Variants in FBXO38 observed in about 807,000 individuals in gnomAD.
FBXO38 encodes the protein F-box protein 38.
A neutral mutation model predicts 131.9 loss-of-function variants in FBXO38; 53 were observed. The observed-to-expected ratio is 0.40, with a 90% confidence interval of 0.32 to 0.51. FBXO38 has a LOEUF of 0.51. Ranked by LOEUF, FBXO38 falls within the 20% of genes least tolerant of loss-of-function variation. The pLI is 0.53. For synonymous variants in FBXO38, 452 were observed against 505.6 expected, an observed-to-expected ratio of 0.89 and a Z score of 1.42; for missense variants, 1,076 against 1,475.6, an observed-to-expected ratio of 0.73 and a Z score of 4.44.
intron 3 of FBXO38, 85 bp from the exon 4 acceptor site, chr5:148,401,897 A>T: frequency 7.5e-7 from 1 of 1,337,912 alleles, no homozygotes; most frequent in African/African-American, 1.5e-5. Flanking sequence ...AGTCTTTTTT[A>T]ACTTTTGGTA....
intron 12 of FBXO38, chr5:148,423,622 C>A: frequency 6.3e-6 from 1 of 158,864 alleles, no homozygotes; most frequent in Admixed American, 6.1e-5. Context: ...TTGTTTAAAA[C>A]CAAAGCAATT....
chr5:148,417,210 C>T lies in FBXO38; in HGVS notation c.1618+6C>T, dbSNP rs751025180. 1.3e-6 allele frequency: 2 copies of T among 1,589,726 alleles called. No homozygotes were observed. Among genetic ancestry groups the T allele is most frequent in the Admixed American group, 1.7e-5 (1 of 59,876 alleles). On this transcript the variant is annotated splice_donor_region_variant and intron_variant, in intron 12 of 21. Transcript: ENST00000340253. Reference sequence around the variant, plus strand: ...GCAGCAGTTTGCAGCTGACGGTAACCCAGATCTTTTATGAGCTCCAGATAG... The same window carrying T: ...GCAGCAGTTTGCAGCTGACGGTAACTCAGATCTTTTATGAGCTCCAGATAG...
At chr5:148,387,930 T>G (rs188460272) in intron 1 of FBXO38, among the ~76,000 whole-genome samples, 29 of 152,242 alleles carry the variant, frequency 1.9e-4, no homozygotes, top group African/African-American at 6.5e-4. Flanking sequence ...GACCTTGTGA[T>G]CTGCCTGCCT....
At chr5:148,390,348 C>G (rs893600634) in intron 1 of FBXO38, among the ~76,000 whole-genome samples, 2 of 152,154 alleles carry the variant, frequency 1.3e-5, no homozygotes. Flanking sequence ...TTTCTCCAGG[C>G]TATAAGTCCT....
chr5:148,417,274 C>A, intron 12 of FBXO38, 70 bp downstream of exon 12: 1 of 1,128,004 alleles, frequency 8.9e-7, no homozygotes, highest in Non-Finnish European at 1.3e-6. Context: ...TGGCTTTATC[C>A]TGTTCCCTTT....
chr5:148,440,352 T>C (rs1222427242), intron 19 of FBXO38, 72 bp from the exon 20 acceptor site: 1 of 898,582 alleles, frequency 1.1e-6, no homozygotes, highest in Admixed American at 1.9e-5. Context: ...ACAGTTTTGA[T>C]GGTTCCTTCC....
chr5:148,420,084 A>C (rs1380994393), intron 12 of FBXO38, among the ~76,000 whole-genome samples: 1 of 151,790 alleles, frequency 6.6e-6, no homozygotes, highest in African/African-American at 2.4e-5. Flanking sequence ...TGAATTTTGC[A>C]ACATTCTAAA....
chr5:148,433,278 A>G (rs1053453949), intron 15 of FBXO38, 146 bp from the exon 16 acceptor site: 21 of 603,802 alleles, frequency 3.5e-5, no homozygotes, highest in Non-Finnish European at 5.7e-5. Flanking sequence ...ATCCACTGGA[A>G]ATACCAATGT....
Position 148,394,950 on chromosome 5 carries a change from C to T in FBXO38, c.128+46C>T, listed in dbSNP as rs767462192. 1.0e-5 allele frequency: 15 copies of T among 1,505,228 alleles called. No homozygotes were observed. The South Asian group carries it at 1.2e-4, about 12-fold the overall frequency. The allele number at this position is 1,505,228 out of a possible 1,614,324, so 93.2% of individuals were successfully genotyped here. A position where few individuals can be genotyped will look rare whatever the true frequency, so the allele number is the denominator to read the frequency against. ...CTTACCTGCCTGGAATGGATAAGAG[C>T]AAACCCTGAGGCAGTGCTGTCTAAT... On this transcript the variant is annotated intron_variant, in intron 2 of 21. Transcript: ENST00000340253.
intron 19 of FBXO38, 96 bp downstream of exon 19, chr5:148,439,888 T>G: frequency 4.0e-6 from 5 of 1,261,488 alleles, no homozygotes; most frequent in Non-Finnish European, 5.6e-6. Flanking sequence ...TTTAAATGAT[T>G]CCATCTAAGC....
Position 148,433,744 on chromosome 5 carries a change from AT to A in FBXO38, c.2857+10del. 1 of 1,505,470 alleles carries A rather than the reference AT, an allele frequency of 6.6e-7. No individual in the cohort carries two copies. Among genetic ancestry groups the A allele is most frequent in the Non-Finnish European group, 9.2e-7 (1 of 1,092,636 alleles). 93.3% of individuals were successfully genotyped at this position (1,505,470 alleles called of 1,614,324 possible). A position where few individuals can be genotyped will look rare whatever the true frequency, so the allele number is the denominator to read the frequency against. Reference sequence around the variant, plus strand: ...AAGATGATGTTCATCCATGGTATGTATTTGGGCCCATATTATACAAGAGTAT... The same window carrying A: ...AAGATGATGTTCATCCATGGTATGTATTGGGCCCATATTATACAAGAGTAT... On this transcript the variant is annotated splice_region_variant and intron_variant, in intron 17 of 21. Coordinates refer to ENST00000340253, the MANE Select transcript of FBXO38 (RefSeq NM_205836.3).
Position 148,414,327 on chromosome 5 carries a change from C to T in FBXO38, c.1264+21C>T, listed in dbSNP as rs370293401. On this transcript the variant is annotated intron_variant, in intron 10 of 21. Coordinates refer to ENST00000340253, the MANE Select transcript of FBXO38 (RefSeq NM_205836.3). ...CTCAGGTATTACAGACTTAAAAATA[C>T]AGCTATGTTTTATTGATACTGAAAT... is the stretch of plus-strand genomic sequence containing the variant. 3.6e-5 allele frequency: 56 copies of T among 1,552,538 alleles called. No homozygotes were observed. In the African/African-American group the frequency reaches 7.2e-4, roughly 20 times the overall value.
At chr5:148,428,412 C>A (rs1753848435) in intron 15 of FBXO38, among the ~76,000 whole-genome samples, 1 of 152,176 alleles carries the variant, frequency 6.6e-6, no homozygotes, top group Admixed American at 6.5e-5. Context: ...TTTCAGAAAT[C>A]TAGTTTTGCT....
Position 148,438,323 on chromosome 5 carries a change from A to AT in FBXO38, c.2858-5dup. 6.2e-7 allele frequency: 1 copy of AT among 1,613,238 alleles called. No individual in the cohort carries two copies. Among genetic ancestry groups the AT allele is most frequent in the Non-Finnish European group, 8.5e-7 (1 of 1,179,512 alleles). On this transcript the variant is annotated splice_polypyrimidine_tract_variant and intron_variant, in intron 17 of 21. Transcript: ENST00000340253. ...ATGTACGGAGCTTACCATTGTTTTC[A>AT]TTTTGTAGCTACCAGGTGCAGGGTA...
At chr5:148,402,603 G>T in intron 5 of FBXO38, 90 bp downstream of exon 5, 1 of 1,164,076 alleles carries the variant, frequency 8.6e-7, no homozygotes, top group Non-Finnish European at 1.2e-6. Context: ...GAATTTTAGA[G>T]ATGGCTTTGT....
intron 2 of FBXO38, among the ~76,000 whole-genome samples, chr5:148,398,254 G>A (rs1323929264): frequency 1.3e-5 from 2 of 152,070 alleles, no homozygotes; most frequent in African/African-American, 4.8e-5. Context: ...ATTAATCTAG[G>A]CATGTGTGGA....
intron 1 of FBXO38, among the ~76,000 whole-genome samples, chr5:148,385,588 G>A (rs1222080926): frequency 6.6e-6 from 1 of 152,096 alleles, no homozygotes; most frequent in Non-Finnish European, 1.5e-5. Context: ...TGATTCCTAG[G>A]CCTTTTTCAG....
At chr5:148,385,048 A>T (rs1757840166) in intron 1 of FBXO38, 1 of 152,252 alleles carries the variant, frequency 6.6e-6, no homozygotes, top group Non-Finnish European at 1.5e-5. Context: ...GTGAAGGATA[A>T]AATAATAGTT....
In FBXO38 at chr5:148,441,124, G is replaced by A. The variant is rs771100934; in HGVS notation, c.3275G>A (p.Gly1092Asp). The change falls in exon 21 of 22, where the codon GGT (glycine) becomes GAT (aspartate). Residue 1092 changes from glycine to aspartate, a missense_variant and splice_region_variant. By Grantham distance (94) the Gly-to-Asp change is moderately conservative (BLOSUM62 -1). Coordinates refer to ENST00000340253, the MANE Select transcript of FBXO38 (RefSeq NM_205836.3). ...TAGCAATGTTACATTTGTCTTTTAG[G>A]TGTTGTGGATGGAGCTCCATATTCC... is the stretch of plus-strand genomic sequence containing the variant. ...PWGREIYTLEGVVDGAPYSMI... is the reference protein window; with the variant it reads ...PWGREIYTLEDVVDGAPYSMI... 1 of 1,611,636 alleles carries A rather than the reference G, an allele frequency of 6.2e-7. No individual in the cohort carries two copies. The highest frequency in any genetic ancestry group is 8.5e-7 in the Non-Finnish European group (1 of 1,177,842).
Sources: allele counts gnomAD v4.1 joint callset (sites outside exome capture counted in the v4.1 genomes callset), GRCh38; gene constraint gnomAD v4.1.1; transcripts MANE v1.5; gene names NCBI Gene and HGNC (gene_info 2026-07-23, HGNC 2026-07-21).